The following TENM4 variants were observed in gnomAD, a reference collection of about 807,000 sequenced individuals.
TENM4 encodes the protein teneurin-4.
Under a neutral mutation model 243.3 loss-of-function variants are expected in TENM4, and 82 were observed. The observed-to-expected ratio is 0.34, with a 90% CI of 0.28 to 0.40. The LOEUF (loss-of-function observed/expected upper bound fraction) is 0.40. Ranked by LOEUF, TENM4 falls within the 10% of genes least tolerant of loss-of-function variation. The pLI is 1.00. For missense variants in TENM4, 3,138 were observed against 3,673.3 expected, an observed-to-expected ratio of 0.85 and a Z score of 3.77; for synonymous variants, 1,412 against 1,456.3, an observed-to-expected ratio of 0.97 and a Z score of 0.69.
chr11:79,427,580 C>A (rs980702485), intron 1 of TENM4, among the ~76,000 whole-genome samples: 1 of 152,032 alleles, frequency 6.6e-6, no homozygotes, highest in Non-Finnish European at 1.5e-5. Flanking sequence ...GAAAGAAAAT[C>A]AAAAGGTTAG....
At chr11:79,380,317 A>C (rs1416164968) in intron 1 of TENM4, among the ~76,000 whole-genome samples, 1 of 151,840 alleles carries the variant, frequency 6.6e-6, no homozygotes, top group Non-Finnish European at 1.5e-5. Context: ...AGGGAAAAAA[A>C]AAAAGAAGAG....
At chr11:78,787,132 G>A in intron 15 of TENM4, 49 bp from the exon 16 acceptor site, 1 of 1,502,700 alleles carries the variant, frequency 6.7e-7, no homozygotes, top group Non-Finnish European at 8.9e-7. Flanking sequence ...AGGATGGGAG[G>A]CAGTGGCCAG....
rs1168796448 is a variant in TENM4 at position 78,688,128 on chromosome 11, T to C, written c.5186A>G (p.Glu1729Gly). 1 of 1,613,972 alleles carries C rather than the reference T, an allele frequency of 6.2e-7. No homozygotes were observed. The highest frequency in any genetic ancestry group is 8.5e-7 in the Non-Finnish European group (1 of 1,179,880). The change falls in exon 29 of 34, where the codon GAG (glutamate) becomes GGG (glycine). Residue 1729 changes from glutamate (E) to glycine (G), a missense_variant. By Grantham distance (98) the Glu-to-Gly change is moderately conservative. Transcript: ENST00000278550. ...DTDSSVHVQV[E>G]TSSKDDVTIT... ...GGTGACATCATCCTTGCTGGAGGTCTCTACCTGGACATGCACTGAACTGTC... is the reference window on the plus strand; with the variant it reads ...GGTGACATCATCCTTGCTGGAGGTCCCTACCTGGACATGCACTGAACTGTC...
intron 2 of TENM4, among the ~76,000 whole-genome samples, chr11:79,292,899 G>A (rs1460061837): frequency 6.6e-6 from 1 of 152,162 alleles, no homozygotes; most frequent in Non-Finnish European, 1.5e-5. Context: ...TAGCCATGTA[G>A]CCATTTTCAA....
intron 6 of TENM4, among the ~76,000 whole-genome samples, chr11:78,959,658 A>T (rs1161369897): frequency 6.6e-6 from 1 of 152,190 alleles, no homozygotes; most frequent in East Asian, 1.9e-4. Flanking sequence ...CATTCAGAGC[A>T]AGGGCCTGGG....
At chr11:79,062,973 C>T (rs1186503307) in intron 6 of TENM4, among the ~76,000 whole-genome samples, 4 of 152,192 alleles carry the variant, frequency 2.6e-5, no homozygotes, top group Non-Finnish European at 4.4e-5. Context: ...CTGAGGTCAT[C>T]GGCCCCTTCA....
intron 6 of TENM4, among the ~76,000 whole-genome samples, chr11:79,015,101 G>A (rs189177994): frequency 1.3e-5 from 2 of 152,318 alleles, no homozygotes; most frequent in East Asian, 3.9e-4. Flanking sequence ...GTCTCTGTAA[G>A]AAGTGCAGCA....
chr11:78,760,272 G>A (rs943272994), intron 18 of TENM4, among the ~76,000 whole-genome samples: 4 of 152,156 alleles, frequency 2.6e-5, no homozygotes, highest in African/African-American at 7.2e-5. Flanking sequence ...AGAGGTCGAC[G>A]GAGCCTTTTA....
intron 12 of TENM4, among the ~76,000 whole-genome samples, chr11:78,834,543 CAG>C (rs751832295): frequency 6.6e-6 from 1 of 152,174 alleles, no homozygotes; most frequent in East Asian, 1.9e-4. Flanking sequence ...AAGGCACTAC[CAG>C]AGTCTTTTGG....
intron 6 of TENM4, among the ~76,000 whole-genome samples, chr11:78,966,468 T>C (rs1365493567): frequency 1.3e-5 from 2 of 151,970 alleles, no homozygotes; most frequent in African/African-American, 2.4e-5. Flanking sequence ...AAACACTCAG[T>C]GATTGGGCTA....
In TENM4 at chr11:79,325,093, A is replaced by C. The variant is rs78340884; in HGVS notation, c.-320-27550T>G. On this transcript the variant is annotated intron_variant, in intron 1 of 33. Coordinates refer to ENST00000278550, the MANE Select transcript of TENM4 (RefSeq NM_001098816.3). Reference sequence around the variant, plus strand: ...TTCAAATAAATTGTTGGAATATTCCAACGTTGGCACGTGGAAGAGAGAGAG... The same window carrying C: ...TTCAAATAAATTGTTGGAATATTCCCACGTTGGCACGTGGAAGAGAGAGAG... 9.0e-3 allele frequency among the ~76,000 whole-genome samples: 1,365 copies of C among 152,278 alleles called. 20 individuals carry two copies. Among genetic ancestry groups the C allele is most frequent in the African/African-American group, 0.031 (1,287 of 41,554 alleles).
At chr11:79,197,124 A>C (rs879456172) in intron 3 of TENM4, among the ~76,000 whole-genome samples, 1 of 152,178 alleles carries the variant, frequency 6.6e-6, no homozygotes, top group African/African-American at 2.4e-5. Flanking sequence ...CTTGGAGGCA[A>C]AGGTGTGACT....
At chr11:79,065,731 T>C (rs895968146) in intron 5 of TENM4, among the ~76,000 whole-genome samples, 3 of 152,180 alleles carry the variant, frequency 2.0e-5, no homozygotes, top group South Asian at 4.1e-4. Flanking sequence ...GATGGGGAAC[T>C]GGCAGAGACA....
chr11:78,880,542 A>C lies in TENM4; in HGVS notation c.1084+9243T>G, dbSNP rs558600697. On this transcript the variant is annotated intron_variant, in intron 9 of 33. Transcript: ENST00000278550. ...CAGAAGGACATAAAGCTGTTTATCC[A>C]CACTGACTATGCTGAGGCTGTGGCT... 1.1e-4 allele frequency among the ~76,000 whole-genome samples: 16 copies of C among 151,762 alleles called. 1 individual carries two copies. The East Asian group carries it at 2.9e-3, about 28-fold the overall frequency.
chr11:79,387,425 G>C (rs1706906941), intron 1 of TENM4, among the ~76,000 whole-genome samples: 1 of 152,156 alleles, frequency 6.6e-6, no homozygotes. Flanking sequence ...ACACAAACTT[G>C]GCTGTTCCAC....
intron 14 of TENM4, among the ~76,000 whole-genome samples, 185 bp from the exon 15 acceptor site, chr11:78,805,677 C>T (rs1200520269): frequency 6.6e-6 from 1 of 152,152 alleles, no homozygotes; most frequent in East Asian, 1.9e-4. Flanking sequence ...CAACTCCACC[C>T]AGGTAGAAAT....
intron 3 of TENM4, among the ~76,000 whole-genome samples, chr11:79,177,651 G>A (rs951846887): frequency 6.6e-6 from 1 of 152,170 alleles, no homozygotes; most frequent in Non-Finnish European, 1.5e-5. Context: ...GGGCGGGAAT[G>A]TCTCTCTGAT....
intron 23 of TENM4, among the ~76,000 whole-genome samples, chr11:78,724,887 TC>T (rs1330788975): frequency 6.6e-6 from 1 of 152,150 alleles, no homozygotes; most frequent in Non-Finnish European, 1.5e-5. Flanking sequence ...CCTGAAGTGG[TC>T]CCCTTGGATC....
chr11:79,204,720 C>T (rs1863814437), intron 3 of TENM4, among the ~76,000 whole-genome samples: 1 of 152,188 alleles, frequency 6.6e-6, no homozygotes, highest in Admixed American at 6.5e-5. Flanking sequence ...TGTGTCCTAG[C>T]CATCCTATGC....
Sources: allele counts gnomAD v4.1 joint callset (sites outside exome capture counted in the v4.1 genomes callset), GRCh38; gene constraint gnomAD v4.1.1; transcripts MANE v1.5; gene names NCBI Gene and HGNC (gene_info 2026-07-23, HGNC 2026-07-21).